The following ACTR3C variants were observed in gnomAD, a reference collection of about 807,000 sequenced individuals.
ACTR3C encodes actin related protein 3C.
In ACTR3C, 18 loss-of-function variants were observed where a neutral mutation model predicts 26.3. That is an observed-to-expected ratio of 0.68 (90% CI 0.47 to 1.01). The LOEUF (loss-of-function observed/expected upper bound fraction) is 1.01. ACTR3C is among the 50% of genes least tolerant of loss of function. ACTR3C has a pLI of 0.00. For missense variants in ACTR3C, 184 were observed against 250.7 expected (o/e 0.73, Z 1.80); for synonymous variants, 55 against 94.5 (o/e 0.58, Z 2.42).
the ACTR3C span, among the ~76,000 whole-genome samples, chr7:150,076,819 A>G: frequency 6.6e-6 from 1 of 152,200 alleles, no homozygotes; most frequent in African/African-American, 2.4e-5. Flanking sequence ...AAAACATTCC[A>G]AAGTATTTTT....
chr7:150,035,806 G>C, the ACTR3C span, among the ~76,000 whole-genome samples: 2 of 133,872 alleles, frequency 1.5e-5, no homozygotes, highest in Non-Finnish European at 3.4e-5. Context: ...GGGAACCAGG[G>C]ACTGGCTCTC....
At chr7:150,167,528 AC>A in the ACTR3C span, among the ~76,000 whole-genome samples, 1 of 151,020 alleles carries the variant, frequency 6.6e-6, no homozygotes. Context: ...ATTAATGATC[AC>A]AGAAGAAAAT....
At chr7:150,074,357 G>A in the ACTR3C span, 2 of 152,190 alleles carry the variant, frequency 1.3e-5, no homozygotes, top group South Asian at 2.1e-4. Flanking sequence ...GGTACATGGG[G>A]CAGAGTCCAG....
the ACTR3C span, among the ~76,000 whole-genome samples, chr7:150,105,450 G>A: frequency 3.3e-5 from 5 of 152,002 alleles, no homozygotes; most frequent in Non-Finnish European, 5.9e-5. Flanking sequence ...GAAATGGCTA[G>A]TGAATGGCTG....
At chr7:150,299,464 CAAAAAAAAAAAAAA>C (rs759969034) in intron 1 of ACTR3C, among the ~76,000 whole-genome samples, 19 of 14,114 alleles carry the variant, frequency 1.3e-3, no homozygotes, top group East Asian at 2.7e-3. Flanking sequence ...GACCCCCTCT[CAAAAAAAAAAAAAA>C]AAAAAAAAAA....
At chr7:149,954,077 G>C in the ACTR3C span, among the ~76,000 whole-genome samples, 1 of 144,460 alleles carries the variant, frequency 6.9e-6, no homozygotes, top group Non-Finnish European at 1.5e-5. Flanking sequence ...TGTAATTTTT[G>C]TTTTCCCATC....
the ACTR3C span, among the ~76,000 whole-genome samples, chr7:150,115,360 C>T: frequency 2.0e-5 from 3 of 152,264 alleles, no homozygotes; most frequent in South Asian, 2.1e-4. Context: ...TTGGGCCACC[C>T]GGGGAGCAAT....
the ACTR3C span, among the ~76,000 whole-genome samples, chr7:150,210,455 C>T: frequency 2.3e-3 from 339 of 148,586 alleles, 3 homozygotes; most frequent in Middle Eastern, 0.01. Flanking sequence ...TTGGTAATAG[C>T]CCAAAATTTG....
At chr7:150,203,407 A>G in the ACTR3C span, among the ~76,000 whole-genome samples, 4 of 152,350 alleles carry the variant, frequency 2.6e-5, no homozygotes, top group Admixed American at 6.5e-5. Context: ...TAAAGTATCA[A>G]GTAAGAAGCT....
At chr7:149,930,596 T>C in the ACTR3C span, among the ~76,000 whole-genome samples, 2 of 152,164 alleles carry the variant, frequency 1.3e-5, no homozygotes, top group African/African-American at 2.4e-5. Context: ...CACCATATGG[T>C]TTCCATTTGT....
chr7:150,259,304 A>G (rs1833475520), intron 6 of ACTR3C, among the ~76,000 whole-genome samples: 1 of 151,888 alleles, frequency 6.6e-6, no homozygotes, highest in Admixed American at 6.6e-5. Flanking sequence ...AGAAAGAAAG[A>G]AAGAAAAAGA....
chr7:150,263,118 G>A (rs958330608), intron 6 of ACTR3C, among the ~76,000 whole-genome samples: 17 of 152,100 alleles, frequency 1.1e-4, no homozygotes, highest in African/African-American at 4.1e-4. Context: ...GAAGAGATGA[G>A]CACATTAAAG....
At chr7:150,134,520 C>G in the ACTR3C span, among the ~76,000 whole-genome samples, 168 of 152,284 alleles carry the variant, frequency 1.1e-3, no homozygotes, top group Non-Finnish European at 6.8e-4. Flanking sequence ...AACATGAACA[C>G]GTGCCCAAAC....
At chr7:149,996,043 T>C in the ACTR3C span, among the ~76,000 whole-genome samples, 1 of 151,824 alleles carries the variant, frequency 6.6e-6, no homozygotes, top group Non-Finnish European at 1.5e-5. Context: ...ATCTCCTGGA[T>C]GGATGCGTGG....
chr7:150,046,320 C>T, the ACTR3C span, among the ~76,000 whole-genome samples: 1 of 126,398 alleles, frequency 7.9e-6, no homozygotes, highest in Non-Finnish European at 1.7e-5. Context: ...TAGGAATTGT[C>T]CCTGGGAAAT....
the ACTR3C span, among the ~76,000 whole-genome samples, chr7:149,897,061 CAA>C: frequency 0.043 from 2,218 of 51,052 alleles, 50 homozygotes; most frequent in African/African-American, 0.11. Flanking sequence ...ACACCGTCTC[CAA>C]AAAAAAAAAA....
chr7:149,884,871 T>C, the ACTR3C span, among the ~76,000 whole-genome samples: 2 of 152,234 alleles, frequency 1.3e-5, no homozygotes, highest in Admixed American at 6.5e-5. Flanking sequence ...GGTCTCACAC[T>C]GCACCCTATG....
chr7:149,925,564 A>G, the ACTR3C span, among the ~76,000 whole-genome samples: 3 of 152,326 alleles, frequency 2.0e-5, no homozygotes, highest in Admixed American at 6.5e-5. Flanking sequence ...ACACAATTGC[A>G]TAGACAAATG....
At chr7:150,063,874 C>T in the ACTR3C span, among the ~76,000 whole-genome samples, 22 of 152,130 alleles carry the variant, frequency 1.4e-4, no homozygotes, top group African/African-American at 4.1e-4. Context: ...AGAGTTGGCA[C>T]GCTATGTCCC....
Sources: allele counts gnomAD v4.1 joint callset (sites outside exome capture counted in the v4.1 genomes callset), GRCh38; gene constraint gnomAD v4.1.1; transcripts MANE v1.5; gene names NCBI Gene and HGNC (gene_info 2026-07-23, HGNC 2026-07-21).